CACNA2D3: variants seen among roughly 807,000 people sequenced by gnomAD.
CACNA2D3 encodes voltage-dependent calcium channel subunit alpha-2/delta-3.
A neutral mutation model predicts 160.6 loss-of-function variants in CACNA2D3; 60 were observed. The observed-to-expected ratio is 0.37, with a 90% CI of 0.30 to 0.46. The LOEUF (loss-of-function observed/expected upper bound fraction) is 0.46. CACNA2D3 is among the 20% of genes least tolerant of loss of function. The pLI is 1.00. For missense variants in CACNA2D3, 1,205 were observed against 1,365.0 expected, an observed-to-expected ratio of 0.88 and a Z score of 1.85; for synonymous variants, 558 against 492.9, an observed-to-expected ratio of 1.13 and a Z score of -1.75.
At chr3:54,778,592 A>G (rs1405955758) in intron 13 of CACNA2D3, among the ~76,000 whole-genome samples, 1 of 152,174 alleles carries the variant, frequency 6.6e-6, no homozygotes, top group Non-Finnish European at 1.5e-5. Context: ...GTACTATTAT[A>G]TTAAGAAGTC....
At chr3:54,327,986 G>T (rs1463329756) in intron 3 of CACNA2D3, among the ~76,000 whole-genome samples, 1 of 152,186 alleles carries the variant, frequency 6.6e-6, no homozygotes, top group East Asian at 1.9e-4. Context: ...CTCTCTTAGT[G>T]AACATTGATG....
intron 4 of CACNA2D3, among the ~76,000 whole-genome samples, chr3:54,476,601 A>T (rs1366081992): frequency 6.6e-6 from 1 of 152,080 alleles, no homozygotes; most frequent in Non-Finnish European, 1.5e-5. Flanking sequence ...TAGCCATTCT[A>T]ACGGGTATGA....
At chr3:55,067,404 T>TC in intron 35 of CACNA2D3, among the ~76,000 whole-genome samples, 1 of 152,350 alleles carries the variant, frequency 6.6e-6, no homozygotes, top group East Asian at 1.9e-4. Context: ...CTCTAGGTAC[T>TC]TAGTTTTTTG....
At chr3:54,355,703 C>T (rs1321575128) in intron 3 of CACNA2D3, among the ~76,000 whole-genome samples, 2 of 152,090 alleles carry the variant, frequency 1.3e-5, no homozygotes, top group African/African-American at 2.4e-5. Context: ...ATCTGTGAGG[C>T]CTAAGCCCAG....
chr3:54,899,669 C>T (rs1296793314), intron 26 of CACNA2D3, 119 bp from the exon 27 acceptor site: 2 of 733,082 alleles, frequency 2.7e-6, no homozygotes, highest in African/African-American at 3.5e-5. Context: ...ACTCTGGGGC[C>T]TGGGACCAAG....
rs542008594 is a variant in CACNA2D3, at chr3:54,892,471, A to G, written c.2246+1021A>G. Among the ~76,000 whole-genome samples the G allele has an allele frequency of 2.6e-5, 4 of 152,292 alleles. 1 individual carries two copies. The highest frequency in any genetic ancestry group is 9.6e-5 in the African/African-American group (4 of 41,574). On this transcript the variant is annotated intron_variant, in intron 25 of 37. Coordinates refer to ENST00000474759, the MANE Select transcript of CACNA2D3 (RefSeq NM_018398.3). ...CTTACAAAACCAAGTCTGGTAAATG[A>G]CAGATCAATCAATGTTTAGGTATTT...
At chr3:55,051,746 C>G (rs1216802088) in intron 35 of CACNA2D3, among the ~76,000 whole-genome samples, 1 of 152,218 alleles carries the variant, frequency 6.6e-6, no homozygotes, top group Admixed American at 6.5e-5. Context: ...GCTGTGCTAG[C>G]AATTAGCGAG....
intron 3 of CACNA2D3, among the ~76,000 whole-genome samples, chr3:54,347,373 G>A (rs1038584416): frequency 6.6e-6 from 1 of 152,174 alleles, no homozygotes; most frequent in Non-Finnish European, 1.5e-5. Flanking sequence ...TGCTCTTTGG[G>A]AGTATAGGGG....
intron 5 of CACNA2D3, among the ~76,000 whole-genome samples, chr3:54,522,523 A>G (rs146346835): frequency 2.6e-5 from 4 of 152,308 alleles, no homozygotes; most frequent in African/African-American, 4.8e-5. Context: ...TCCTGAGTCT[A>G]TTTTATGTTG....
At chr3:54,444,727 A>C (rs984888582) in intron 4 of CACNA2D3, among the ~76,000 whole-genome samples, 3 of 152,202 alleles carry the variant, frequency 2.0e-5, no homozygotes, top group African/African-American at 7.2e-5. Context: ...GGTTAGTCTG[A>C]ATTTTGAGGC....
intron 35 of CACNA2D3, among the ~76,000 whole-genome samples, chr3:55,069,185 T>C (rs1253708293): frequency 6.6e-6 from 1 of 152,204 alleles, no homozygotes; most frequent in African/African-American, 2.4e-5. Flanking sequence ...GCAACTGCCC[T>C]TCCCTTTTTT....
intron 13 of CACNA2D3, among the ~76,000 whole-genome samples, chr3:54,767,694 C>CAAT (rs927233672): frequency 4.0e-5 from 6 of 151,780 alleles, no homozygotes; most frequent in Admixed American, 1.3e-4. Context: ...ATGATGATGA[C>CAAT]AATAATAATA....
intron 6 of CACNA2D3, among the ~76,000 whole-genome samples, chr3:54,568,651 G>A (rs1702446856): frequency 1.3e-5 from 2 of 152,232 alleles, no homozygotes; most frequent in Non-Finnish European, 2.9e-5. Context: ...CATATTAGTT[G>A]TATTTTATCT....
intron 2 of CACNA2D3, among the ~76,000 whole-genome samples, chr3:54,303,230 T>C (rs1703519793): frequency 6.6e-6 from 1 of 152,226 alleles, no homozygotes; most frequent in South Asian, 2.1e-4. Context: ...GGAGTAGTCC[T>C]ACCACTCAGC....
intron 2 of CACNA2D3, among the ~76,000 whole-genome samples, chr3:54,180,364 G>A (rs550710926): frequency 2.4e-4 from 36 of 152,294 alleles, no homozygotes; most frequent in African/African-American, 8.7e-4. Flanking sequence ...ACAACAGCCC[G>A]AGAAGTCAGA....
intron 12 of CACNA2D3, among the ~76,000 whole-genome samples, chr3:54,755,153 G>T (rs570833886): frequency 6.6e-6 from 1 of 152,146 alleles, no homozygotes; most frequent in Non-Finnish European, 1.5e-5. Flanking sequence ...TATCTTTTCC[G>T]TTTGAGGCTG....
intron 27 of CACNA2D3, among the ~76,000 whole-genome samples, chr3:54,905,066 T>G (rs1700423416): frequency 6.6e-6 from 1 of 152,200 alleles, no homozygotes; most frequent in Non-Finnish European, 1.5e-5. Context: ...CCAGAGACAT[T>G]GGTTTCTTAT....
At position 54,123,583 on chromosome 3, in the gene CACNA2D3, C is replaced by T. The variant is rs201585683; in HGVS notation, c.193C>T (p.Leu65Phe). 1.5e-5 allele frequency: 24 copies of T among 1,613,528 alleles called. No individual in the cohort carries two copies. Among genetic ancestry groups the T allele is most frequent in the Non-Finnish European group, 1.9e-5 (22 of 1,179,554 alleles). ...TGCTGCTAAGTACTCCGGTTCCCAG[C>T]TTCTGCAAAAGGTAAGGTTTCTGTG... The part of the protein sequence containing the change: ...SIAAKYSGSQ[L>F]LQKKYKEYEK... Residue 65 changes from leucine (L) to phenylalanine (F), a missense_variant, in exon 2 of 38, where the codon CTT (leucine) becomes TTT (phenylalanine). Leu to Phe is a conservative substitution (Grantham distance 22, BLOSUM62 0). Coordinates refer to ENST00000474759, the MANE Select transcript of CACNA2D3 (RefSeq NM_018398.3).
rs267599904 is a variant in CACNA2D3, at chr3:54,503,539, G to A, written c.429G>A (p.Gly143=). 1.9e-6 allele frequency: 3 copies of A among 1,613,894 alleles called. No homozygotes were observed. Among genetic ancestry groups the A allele is most frequent in the Non-Finnish European group, 1.7e-6 (2 of 1,179,800 alleles). The change falls in exon 5 of 38, where the codon GGG becomes GGA. Residue 143 remains glycine (G), a synonymous_variant. Coordinates refer to ENST00000474759, the MANE Select transcript of CACNA2D3 (RefSeq NM_018398.3). The part of the protein sequence containing the change: ...AVLINERDKD[G]NFLELGKEFI... ...TGATAAATGAAAGGGACAAAGACGG[G>A]AATTTTTTGGAGCTGGGAAAGGAAT...
Sources: allele counts gnomAD v4.1 joint callset (sites outside exome capture counted in the v4.1 genomes callset), GRCh38; gene constraint gnomAD v4.1.1; transcripts MANE v1.5; gene names NCBI Gene and HGNC (gene_info 2026-07-23, HGNC 2026-07-21).